The following TRPC1 variants were observed in gnomAD, a reference collection of about 807,000 sequenced individuals.
TRPC1 encodes short transient receptor potential channel 1.
TRPC1 carries 42 observed loss-of-function variants against 88.2 expected under a neutral mutation model. The ratio of observed to expected loss-of-function variants is 0.48; its 90% CI spans 0.37 to 0.62. TRPC1 has a LOEUF of 0.62. Ranked by LOEUF, TRPC1 falls within the 20% of genes least tolerant of loss-of-function variation. The pLI is 0.00. For missense variants in TRPC1, 699 were observed against 957.3 expected, an observed-to-expected ratio of 0.73 and a Z score of 3.56; for synonymous variants, 288 against 331.8, an observed-to-expected ratio of 0.87 and a Z score of 1.43.
Position 142,762,718 on chromosome 3 carries a change from C to T in TRPC1, c.632+14258C>T, listed in dbSNP as rs141700934. Among the ~76,000 whole-genome samples, 54 of 152,172 alleles carry T rather than the reference C, an allele frequency of 3.5e-4. No individual in the cohort carries two copies. In the East Asian group the frequency reaches 8.9e-3, roughly 25 times the overall value. ...TGCTGGGATTACAGGCATGAGCCAC[C>T]GTGCCCAGCCTATTCTTGATTTTCT... On this transcript the variant is annotated intron_variant, in intron 4 of 12. Transcript: ENST00000476941.
chr3:142,773,293 A>C (rs1049127268), intron 4 of TRPC1, among the ~76,000 whole-genome samples: 8 of 152,022 alleles, frequency 5.3e-5, no homozygotes, highest in African/African-American at 1.9e-4. Flanking sequence ...GCTCACTGCA[A>C]CCTTCACCTC....
At chr3:142,791,840 A>G (rs1401700547) in intron 8 of TRPC1, among the ~76,000 whole-genome samples, 2 of 152,008 alleles carry the variant, frequency 1.3e-5, no homozygotes, top group African/African-American at 4.8e-5. Context: ...ATTTGACAAA[A>G]ATCTACCCTT....
intron 9 of TRPC1, among the ~76,000 whole-genome samples, chr3:142,796,948 G>A (rs1936471309): frequency 6.6e-6 from 1 of 152,036 alleles, no homozygotes; most frequent in Non-Finnish European, 1.5e-5. Flanking sequence ...AGAAACCTAA[G>A]GTTTATTATG....
intron 9 of TRPC1, among the ~76,000 whole-genome samples, chr3:142,800,569 T>A (rs1318151126): frequency 6.6e-6 from 1 of 152,084 alleles, no homozygotes; most frequent in Non-Finnish European, 1.5e-5. Flanking sequence ...ATTATATAAA[T>A]TTGACCTGTT....
chr3:142,788,188 A>G lies in TRPC1; in HGVS notation c.1298-2831A>G, dbSNP rs112157587. Reference sequence around the variant, plus strand: ...TTTTGCCTTTCGAAAAGATCATTCTATCTACAGGGTGGAGGATGAGCTGGG... The same window carrying G: ...TTTTGCCTTTCGAAAAGATCATTCTGTCTACAGGGTGGAGGATGAGCTGGG... On this transcript the variant is annotated intron_variant, in intron 7 of 12. Coordinates refer to ENST00000476941, the MANE Select transcript of TRPC1 (RefSeq NM_001251845.2). 4.8e-3 allele frequency among the ~76,000 whole-genome samples: 736 copies of G among 152,276 alleles called. 3 individuals carry two copies. Among genetic ancestry groups the G allele is most frequent in the Middle Eastern group, 0.01 (3 of 294 alleles).
intron 1 of TRPC1, among the ~76,000 whole-genome samples, chr3:142,727,432 T>A (rs1348945357): frequency 1.3e-5 from 2 of 152,146 alleles, no homozygotes; most frequent in Non-Finnish European, 2.9e-5. Context: ...GTGTACAGAT[T>A]AAAGAGTACA....
In TRPC1 at chr3:142,806,323, A is replaced by G; in HGVS notation, c.*88A>G. Reference sequence around the variant, plus strand: ...ACTTGCAATGAAATTAATGAGATATATATTGAAATAAAGAATTATGTAAAA... The same window carrying G: ...ACTTGCAATGAAATTAATGAGATATGTATTGAAATAAAGAATTATGTAAAA... On this transcript the variant is annotated 3_prime_UTR_variant, in exon 13 of 13. Transcript: ENST00000476941. The G allele has an allele frequency of 1.0e-6, 1 of 971,292 alleles. No individual in the cohort carries two copies. The highest frequency in any genetic ancestry group is 1.7e-5 in the African/African-American group (1 of 60,482). The allele number at this position is 971,292 out of a possible 1,614,324, so 60.2% of individuals were successfully genotyped here. A position where few individuals can be genotyped will look rare whatever the true frequency, so the allele number is the denominator to read the frequency against.
chr3:142,748,121 A>C, intron 3 of TRPC1, 137 bp from the exon 4 acceptor site: 1 of 831,036 alleles, frequency 1.2e-6, no homozygotes, highest in South Asian at 2.0e-5. Context: ...ATTTAGTCCA[A>C]GCAAAATGTT....
intron 11 of TRPC1, 101 bp from the exon 12 acceptor site, chr3:142,804,335 G>A (rs916613890): frequency 8.4e-7 from 1 of 1,193,268 alleles, no homozygotes; most frequent in Non-Finnish European, 1.1e-6. Flanking sequence ...TATAATAATT[G>A]CAAATGTTGA....
intron 4 of TRPC1, among the ~76,000 whole-genome samples, chr3:142,749,446 A>G (rs1484177706): frequency 2.0e-5 from 3 of 152,194 alleles, no homozygotes; most frequent in Non-Finnish European, 4.4e-5. Flanking sequence ...TTCCAAAAGA[A>G]GGCATTGTAT....
At chr3:142,799,257 C>T (rs1936539791) in intron 9 of TRPC1, among the ~76,000 whole-genome samples, 2 of 152,204 alleles carry the variant, frequency 1.3e-5, no homozygotes, top group South Asian at 2.1e-4. Flanking sequence ...TTACCTTTCT[C>T]TTTTCATTTC....
chr3:142,759,766 A>G (rs924301046), intron 4 of TRPC1, among the ~76,000 whole-genome samples: 2 of 152,154 alleles, frequency 1.3e-5, no homozygotes, highest in African/African-American at 2.4e-5. Context: ...GCCCATGCCT[A>G]TGTCCTGAAT....
At chr3:142,731,812 G>A (rs1182007461) in intron 1 of TRPC1, among the ~76,000 whole-genome samples, 1 of 152,112 alleles carries the variant, frequency 6.6e-6, no homozygotes, top group Non-Finnish European at 1.5e-5. Flanking sequence ...AGGTCTTGGA[G>A]CTAAAACTGG....
chr3:142,798,668 A>G (rs1335939823), intron 9 of TRPC1, among the ~76,000 whole-genome samples: 1 of 152,302 alleles, frequency 6.6e-6, no homozygotes, highest in South Asian at 2.1e-4. Context: ...TAAAAAAGAC[A>G]GGCTGGGCTG....
At chr3:142,785,211 T>C in intron 7 of TRPC1, 171 bp downstream of exon 7, 1 of 528,188 alleles carries the variant, frequency 1.9e-6, no homozygotes, top group South Asian at 3.2e-5. Flanking sequence ...TCTGTAAAGA[T>C]AAATGTTCCT....
At position 142,782,788 on chromosome 3, in the gene TRPC1, CT is replaced by C. The variant is rs1293189800; in HGVS notation, c.960+1762del. Among the ~76,000 whole-genome samples, 12 of 152,254 alleles carry C rather than the reference CT, an allele frequency of 7.9e-5. No individual in the cohort carries two copies. The East Asian group carries it at 2.3e-3, about 29-fold the overall frequency. On this transcript the variant is annotated intron_variant, in intron 6 of 12. Transcript: ENST00000476941. ...AGGCATGGCCATCACAATGGGCAGACTTTGAGGATGTGGTCTGAGAAGCCTC... is the reference window on the plus strand; with the variant it reads ...AGGCATGGCCATCACAATGGGCAGACTTGAGGATGTGGTCTGAGAAGCCTC...
In TRPC1 at chr3:142,724,814, G is replaced by C; in HGVS notation, c.172+83G>C. The C allele has an allele frequency of 1.4e-6, 2 of 1,417,060 alleles. No individual in the cohort carries two copies. Among genetic ancestry groups the C allele is most frequent in the Non-Finnish European group, 1.9e-6 (2 of 1,075,764 alleles). 87.8% of individuals were successfully genotyped at this position (1,417,060 alleles called of 1,614,324 possible). On this transcript the variant is annotated intron_variant, in intron 1 of 12. Coordinates refer to ENST00000476941, the MANE Select transcript of TRPC1 (RefSeq NM_001251845.2). The surrounding 1 kb of genome is among the most constrained non-coding windows in gnomAD (Gnocchi z 5.6). ...CTCCCCCGCCTCAACTTATATCGGG[G>C]CATTCCCTCTGTCTCAGGCGCCGAG...
intron 4 of TRPC1, among the ~76,000 whole-genome samples, chr3:142,765,022 A>G (rs1232424921): frequency 6.6e-6 from 1 of 152,168 alleles, no homozygotes; most frequent in Non-Finnish European, 1.5e-5. Context: ...CTATACATCA[A>G]CATTGTTCAA....
intron 4 of TRPC1, among the ~76,000 whole-genome samples, chr3:142,749,426 T>G (rs1251096890): frequency 6.6e-6 from 1 of 152,168 alleles, no homozygotes; most frequent in African/African-American, 2.4e-5. Context: ...GGCAGTTCCT[T>G]CAGGAAATAT....
Sources: gnomAD v4.1 joint callset for allele counts (sites outside exome capture counted in the v4.1 genomes callset) on GRCh38, gnomAD v4.1.1 for gene constraint, Gnocchi (gnomAD v3.1) non-coding constraint, MANE v1.5 for transcripts, NCBI Gene and HGNC (gene_info 2026-07-23, HGNC 2026-07-21) for gene names.